The following KIF1B variants were observed in gnomAD, a reference collection of about 807,000 sequenced individuals.
The protein encoded by KIF1B is kinesin family member 1B, also known as kinesin-like protein KIF1B.
KIF1B carries 76 observed loss-of-function variants against 241.9 expected under a neutral mutation model. The observed-to-expected ratio is 0.31, with a 90% CI of 0.26 to 0.38. The LOEUF (loss-of-function observed/expected upper bound fraction) is 0.38. Among genes scored for constraint, KIF1B ranks in the 10% least tolerant of loss-of-function variants. The pLI, the probability that KIF1B is intolerant of heterozygous loss-of-function variation, is 1.00. For synonymous variants in KIF1B, 750 were observed against 796.7 expected, an observed-to-expected ratio of 0.94 and a Z score of 0.99; for missense variants, 1,622 against 2,271.4, an observed-to-expected ratio of 0.71 and a Z score of 5.81.
At position 10,377,937 on chromosome 1, in the gene KIF1B, GA is replaced by G. The variant is rs567435289; in HGVS notation, c.*1363del. 0.036 allele frequency: 6,653 copies of G among 182,730 alleles called. No individual in the cohort carries two copies. The highest frequency in any genetic ancestry group is 0.096 in the East Asian group (1,007 of 10,448). The allele number at this position is 182,730 out of a possible 1,614,324, so 11.3% of individuals were successfully genotyped here. On this transcript the variant is annotated 3_prime_UTR_variant, in exon 49 of 49. Coordinates refer to ENST00000676179, the MANE Select transcript of KIF1B (RefSeq NM_001365951.3). ...GGTGACAGAGCAAGACTCTGCCTCA[GA>G]AAAAAAAAAAAATAATAATGCTGGG...
chr1:10,276,364 G>C lies in KIF1B; in HGVS notation c.1002G>C (p.Ala334=), dbSNP rs771891729. 6.2e-7 allele frequency: 1 copy of C among 1,613,760 alleles called. No homozygotes were observed. The highest frequency in any genetic ancestry group is 1.3e-5 in the African/African-American group (1 of 74,982). ...CAATGGTTGCTGCTCTGAGCCCCGC[G>C]GATATCAACTACGATGAGACTTTGA... is the stretch of plus-strand genomic sequence containing the variant. ...RTAMVAALSP[A]DINYDETLST... The change falls in exon 12 of 49, where the codon GCG becomes GCC. Residue 334 remains alanine, a synonymous_variant. Coordinates refer to ENST00000676179, the MANE Select transcript of KIF1B (RefSeq NM_001365951.3).
chr1:10,253,013 C>G (rs1647553774), intron 2 of KIF1B, among the ~76,000 whole-genome samples: 1 of 152,180 alleles, frequency 6.6e-6, no homozygotes, highest in Non-Finnish European at 1.5e-5. Context: ...ATGTGAGCCA[C>G]TGTGCCTGGC....
At chr1:10,328,994 A>G (rs1651822991) in intron 27 of KIF1B, among the ~76,000 whole-genome samples, 2 of 152,250 alleles carry the variant, frequency 1.3e-5, no homozygotes, top group South Asian at 2.1e-4. Flanking sequence ...ACTCAAGACA[A>G]TCCCACTTAA....
At chr1:10,245,120 T>G (rs1258071393) in intron 2 of KIF1B, among the ~76,000 whole-genome samples, 1 of 152,222 alleles carries the variant, frequency 6.6e-6, no homozygotes, top group Non-Finnish European at 1.5e-5. Context: ...GACACTGAGA[T>G]ATTAGATAAA....
intron 9 of KIF1B, chr1:10,272,595 A>G (rs1400069161): frequency 9.8e-6 from 5 of 510,450 alleles, no homozygotes; most frequent in Non-Finnish European, 1.8e-5. Flanking sequence ...TCTCACAAAA[A>G]CCAAGTATAT....
intron 44 of KIF1B, 107 bp downstream of exon 44, chr1:10,368,645 T>A (rs1638640764): frequency 2.2e-6 from 2 of 898,904 alleles, no homozygotes; most frequent in Middle Eastern, 2.1e-4. Flanking sequence ...CAACTTGTCA[T>A]GGGCATAGCA....
In KIF1B at chr1:10,265,573, G is replaced by A. The variant is rs192849642; in HGVS notation, c.430-1807G>A. Among the ~76,000 whole-genome samples, 24 of 152,240 alleles carry A rather than the reference G, an allele frequency of 1.6e-4. No individual in the cohort carries two copies. The East Asian group carries it at 2.9e-3, about 19-fold the overall frequency. On this transcript the variant is annotated intron_variant, in intron 5 of 48. Transcript: ENST00000676179. ...TAAAACACAAATTAAGGCCAGGTGC[G>A]GTGGCTCACACCTGTAATCCCTGCA...
At chr1:10,239,324 T>C (rs918009788) in intron 2 of KIF1B, among the ~76,000 whole-genome samples, 7 of 152,206 alleles carry the variant, frequency 4.6e-5, no homozygotes, top group Admixed American at 3.9e-4. Flanking sequence ...TTTACACATA[T>C]TAAGATTTTT....
At chr1:10,220,374 AGATAGATAGATAGATAGATAGAT>A (rs1056350535) in intron 1 of KIF1B, among the ~76,000 whole-genome samples, 1 of 131,482 alleles carries the variant, frequency 7.6e-6, no homozygotes, top group Admixed American at 8.0e-5. Context: ...CTGTTTCAAT[AGATAGATAGATAGATAGATAGAT>A]GATAGATAGA....
intron 8 of KIF1B, 40 bp downstream of exon 8, chr1:10,271,619 G>A (rs369495984): frequency 1.6e-6 from 2 of 1,288,370 alleles, no homozygotes; most frequent in African/African-American, 1.5e-5. Context: ...TCAATAAATG[G>A]CCACTACCTG....
At chr1:10,375,811 G>A in intron 48 of KIF1B, among the ~76,000 whole-genome samples, 1 of 26,956 alleles carries the variant, frequency 3.7e-5, no homozygotes, top group South Asian at 1.2e-3. Flanking sequence ...TTTTTTTTTT[G>A]AGATGGAGTT....
chr1:10,350,786 GTC>G (rs904331348), intron 37 of KIF1B, among the ~76,000 whole-genome samples: 1 of 152,040 alleles, frequency 6.6e-6, no homozygotes, highest in African/African-American at 2.4e-5. Context: ...GAGTGCTTGT[GTC>G]TCTCTGGACC....
chr1:10,280,361 G>A (rs1209126208), intron 14 of KIF1B, among the ~76,000 whole-genome samples: 3 of 151,862 alleles, frequency 2.0e-5, no homozygotes, highest in African/African-American at 7.3e-5. Flanking sequence ...TCAGCCTCCC[G>A]AGTAGCTGGG....
At chr1:10,363,071 A>G (rs892651288) in intron 40 of KIF1B, among the ~76,000 whole-genome samples, 1 of 152,120 alleles carries the variant, frequency 6.6e-6, no homozygotes, top group East Asian at 1.9e-4. Flanking sequence ...AACCCTATCT[A>G]TAAAAAAATT....
At chr1:10,285,712 T>C (rs948760094) in intron 15 of KIF1B, among the ~76,000 whole-genome samples, 1 of 152,178 alleles carries the variant, frequency 6.6e-6, no homozygotes, top group African/African-American at 2.4e-5. Flanking sequence ...ATGGTGAGAA[T>C]TTCTTTCGGG....
intron 44 of KIF1B, among the ~76,000 whole-genome samples, chr1:10,369,076 C>T (rs531329527): frequency 6.6e-6 from 1 of 152,314 alleles, no homozygotes; most frequent in Non-Finnish European, 1.5e-5. Flanking sequence ...TTACCTCTTT[C>T]ATTTTTCTAC....
chr1:10,327,418 T>C (rs1191819405), intron 27 of KIF1B, among the ~76,000 whole-genome samples: 1 of 151,506 alleles, frequency 6.6e-6, no homozygotes, highest in Non-Finnish European at 1.5e-5. Context: ...GGAGAATCAC[T>C]TGAACCCGGA....
chr1:10,283,873 C>T (rs1649556734), intron 15 of KIF1B, among the ~76,000 whole-genome samples: 1 of 152,228 alleles, frequency 6.6e-6, no homozygotes, highest in South Asian at 2.1e-4. Flanking sequence ...CGATAGAGAA[C>T]AGTGACACAT....
At chr1:10,257,686 T>G (rs1375095017) in intron 3 of KIF1B, among the ~76,000 whole-genome samples, 1 of 152,090 alleles carries the variant, frequency 6.6e-6, no homozygotes, top group East Asian at 1.9e-4. Context: ...GTTTTGTATT[T>G]TTTTTTAAAG....
Sources: gnomAD v4.1 joint callset for allele counts (sites outside exome capture counted in the v4.1 genomes callset) on GRCh38, gnomAD v4.1.1 for gene constraint, MANE v1.5 for transcripts, NCBI Gene and HGNC (gene_info 2026-07-23, HGNC 2026-07-21) for gene names.